CACNA1D: variants seen among roughly 807,000 people sequenced by gnomAD.
CACNA1D encodes calcium voltage-gated channel subunit alpha1 D, also known as voltage-dependent L-type calcium channel subunit alpha-1D.
In CACNA1D, 55 loss-of-function variants were observed where a neutral mutation model predicts 257.1. The ratio of observed to expected loss-of-function variants is 0.21; its 90% CI spans 0.17 to 0.27. CACNA1D has a LOEUF of 0.27. Ranked by LOEUF, CACNA1D falls within the 10% of genes least tolerant of loss-of-function variation. CACNA1D has a pLI of 1.00. For synonymous variants in CACNA1D, 980 were observed against 1,014.9 expected (o/e 0.97, Z 0.65); for missense variants, 1,876 against 2,784.0 (o/e 0.67, Z 7.34).
chr3:53,692,419 T>C (rs2094536939), intron 8 of CACNA1D, among the ~76,000 whole-genome samples: 1 of 152,076 alleles, frequency 6.6e-6, no homozygotes, highest in Admixed American at 6.5e-5. Context: ...TTGAAAGAGC[T>C]CCATGCCTTG....
intron 8 of CACNA1D, among the ~76,000 whole-genome samples, chr3:53,690,572 C>A (rs547323808): frequency 6.6e-6 from 1 of 152,326 alleles, no homozygotes; most frequent in African/African-American, 2.4e-5. Context: ...ACCCACCGTG[C>A]CTTTCAGTGG....
At chr3:53,786,710 A>ACCCCC in intron 39 of CACNA1D, 112 bp from the exon 40 acceptor site, 1 of 678,092 alleles carries the variant, frequency 1.5e-6, no homozygotes, top group Non-Finnish European at 2.7e-6. Flanking sequence ...TCTGCGCCGG[A>ACCCCC]CCGCCCACCC....
At chr3:53,735,909 C>G (rs1231599930) in intron 20 of CACNA1D, among the ~76,000 whole-genome samples, 1 of 152,208 alleles carries the variant, frequency 6.6e-6, no homozygotes. Flanking sequence ...ACACCACATG[C>G]CCAGGCTGTC....
At position 53,724,222 on chromosome 3, in the gene CACNA1D, C is replaced by T. The variant is rs74509210; in HGVS notation, c.2100+223C>T. On this transcript the variant is annotated intron_variant, in intron 14 of 47. Transcript: ENST00000350061. Reference sequence around the variant, plus strand: ...TAATTTTTTTAAAGACTTCTAGCTACATTACAAAATAATAAACCAAAAAAA... The same window carrying T: ...TAATTTTTTTAAAGACTTCTAGCTATATTACAAAATAATAAACCAAAAAAA... 0.033 allele frequency among the ~76,000 whole-genome samples: 5,008 copies of T among 152,256 alleles called. 272 individuals are homozygous for T. The highest frequency in any genetic ancestry group is 0.11 in the African/African-American group (4,711 of 41,504).
At chr3:53,577,867 T>C (rs2107728477) in intron 3 of CACNA1D, among the ~76,000 whole-genome samples, 1 of 152,322 alleles carries the variant, frequency 6.6e-6, no homozygotes, top group Admixed American at 6.5e-5. Context: ...GGCACTTCCT[T>C]CAAACATTAA....
intron 3 of CACNA1D, among the ~76,000 whole-genome samples, chr3:53,590,369 A>G (rs2093285726): frequency 6.6e-6 from 1 of 152,204 alleles, no homozygotes; most frequent in African/African-American, 2.4e-5. Flanking sequence ...CTTGTCGTCC[A>G]GCCTATACTT....
intron 8 of CACNA1D, among the ~76,000 whole-genome samples, chr3:53,691,864 T>A (rs1249088849): frequency 1.8e-5 from 2 of 110,586 alleles, no homozygotes; most frequent in Non-Finnish European, 3.5e-5. Flanking sequence ...TAATATATAT[T>A]ATATATATTA....
chr3:53,631,099 G>T (rs912276085), intron 3 of CACNA1D, among the ~76,000 whole-genome samples: 2 of 152,182 alleles, frequency 1.3e-5, no homozygotes, highest in African/African-American at 4.8e-5. Context: ...TGGGGTGGCC[G>T]TGGCAATTTC....
rs937716939 is a variant in CACNA1D at position 53,789,633 on chromosome 3, C to T, written c.4923+2681C>T. The stretch of plus-strand genomic sequence containing the variant: ...ATGGAGGATGGCTTGCCTCCTCCCA[C>T]AGCAGGGTGCCCCATGGCTGGCAGA... On this transcript the variant is annotated intron_variant, in intron 40 of 47. Transcript: ENST00000350061. The surrounding 1 kb of genome is among the most constrained non-coding windows in gnomAD (Gnocchi z 4.2). Among the ~76,000 whole-genome samples, 2 of 152,364 alleles carry T rather than the reference C, an allele frequency of 1.3e-5. No homozygotes were observed. The highest frequency in any genetic ancestry group is 1.9e-4 in the East Asian group (1 of 5,188).
At chr3:53,580,777 A>G (rs570625875) in intron 3 of CACNA1D, among the ~76,000 whole-genome samples, 1 of 152,356 alleles carries the variant, frequency 6.6e-6, no homozygotes, top group Admixed American at 6.5e-5. Context: ...CTTAAATTGC[A>G]GAAGTTCATT....
At chr3:53,633,867 AAG>A (rs1329788103) in intron 3 of CACNA1D, among the ~76,000 whole-genome samples, 1 of 152,180 alleles carries the variant, frequency 6.6e-6, no homozygotes, top group African/African-American at 2.4e-5. Flanking sequence ...GCAGAATCAC[AAG>A]TTGTAGAAAG....
At chr3:53,699,005 T>C (rs979494919) in intron 8 of CACNA1D, among the ~76,000 whole-genome samples, 4 of 152,244 alleles carry the variant, frequency 2.6e-5, no homozygotes, top group African/African-American at 9.6e-5. Flanking sequence ...AATAGGATTC[T>C]TAGAATATGA....
At chr3:53,657,085 A>G (rs1455662621) in intron 4 of CACNA1D, among the ~76,000 whole-genome samples, 1 of 152,202 alleles carries the variant, frequency 6.6e-6, no homozygotes, top group African/African-American at 2.4e-5. Context: ...ATGAAAACAC[A>G]TGTCCCCAAA....
chr3:53,643,436 G>A (rs1052882885), intron 3 of CACNA1D, among the ~76,000 whole-genome samples: 40 of 151,988 alleles, frequency 2.6e-4, no homozygotes, highest in Middle Eastern at 3.4e-3. Context: ...GTGTAGGGTC[G>A]TGAGTGGGAG....
intron 3 of CACNA1D, among the ~76,000 whole-genome samples, chr3:53,512,766 C>T (rs1440602007): frequency 6.6e-6 from 1 of 152,188 alleles, no homozygotes; most frequent in African/African-American, 2.4e-5. Context: ...GCAAGCTGGG[C>T]ATTGAGTCAA....
chr3:53,772,751 C>A, intron 32 of CACNA1D, 82 bp from the exon 33 acceptor site: 1 of 945,230 alleles, frequency 1.1e-6, no homozygotes, highest in Non-Finnish European at 1.7e-6. Flanking sequence ...AGCATGTGGC[C>A]ACTCATGGGT....
In CACNA1D at chr3:53,734,241, A is replaced by G. The variant is rs574680999; in HGVS notation, c.2622-1133A>G. Reference sequence around the variant, plus strand: ...TACATAAAGTTGACTCCAGTTTGAAAGTGGAAAAAATCTTTTCCAAGGAAA... The same window carrying G: ...TACATAAAGTTGACTCCAGTTTGAAGGTGGAAAAAATCTTTTCCAAGGAAA... On this transcript the variant is annotated intron_variant, in intron 19 of 47. Coordinates refer to ENST00000350061, the MANE Select transcript of CACNA1D (RefSeq NM_001128840.3). 4.0e-5 allele frequency among the ~76,000 whole-genome samples: 6 copies of G among 151,278 alleles called. No individual in the cohort carries two copies. In the South Asian group the frequency reaches 1.2e-3, roughly 31 times the overall value.
chr3:53,623,041 G>A (rs150551121), intron 3 of CACNA1D, among the ~76,000 whole-genome samples: 24 of 152,206 alleles, frequency 1.6e-4, no homozygotes, highest in African/African-American at 5.5e-4. Flanking sequence ...ACAGGCGCTC[G>A]CCAACACGTT....
intron 5 of CACNA1D, among the ~76,000 whole-genome samples, chr3:53,662,028 C>T (rs1268249538): frequency 3.3e-5 from 5 of 152,274 alleles, no homozygotes; most frequent in Middle Eastern, 6.8e-3. Context: ...CAGAGGTTGT[C>T]GGATGTGCTG....
Sources: gnomAD v4.1 joint callset for allele counts (sites outside exome capture counted in the v4.1 genomes callset) on GRCh38, gnomAD v4.1.1 for gene constraint, Gnocchi (gnomAD v3.1) non-coding constraint, MANE v1.5 for transcripts, NCBI Gene and HGNC (gene_info 2026-07-23, HGNC 2026-07-21) for gene names.